BZW1: variants seen among roughly 807,000 people sequenced by gnomAD.
The protein encoded by BZW1 is basic leucine zipper and W2 domains 1.
Under a neutral mutation model 54.1 loss-of-function variants are expected in BZW1, and 3 were observed. That is an observed-to-expected ratio of 0.06 (90% CI 0.03 to 0.14). BZW1 has a LOEUF of 0.14. Among genes scored for constraint, BZW1 ranks in the 10% least tolerant of loss-of-function variants. BZW1 has a pLI of 1.00. For synonymous variants in BZW1, 152 were observed against 162.7 expected (o/e 0.93, Z 0.50); for missense variants, 206 against 491.7 (o/e 0.42, Z 5.50).
In BZW1 at chr2:200,811,968, C is replaced by G. The variant is rs554256267; in HGVS notation, c.-33C>G. The G allele has an allele frequency of 1.2e-5, 4 of 337,258 alleles. No homozygotes were observed. The highest frequency in any genetic ancestry group is 4.8e-5 in the Admixed American group (1 of 20,698). 20.9% of individuals were successfully genotyped at this position (337,258 alleles called of 1,614,324 possible). ...GCCGGTACATCGGGGATTTCTGGCT[C>G]TTTCCTCTTCGCCTTAAATTCGGTG... On this transcript the variant is annotated 5_prime_UTR_variant, in exon 1 of 12. Coordinates refer to ENST00000409600, the MANE Select transcript of BZW1 (RefSeq NM_001207067.2).
chr2:200,814,277 G>C (rs998182627), intron 2 of BZW1, among the ~76,000 whole-genome samples: 4 of 152,208 alleles, frequency 2.6e-5, no homozygotes, highest in Admixed American at 2.6e-4. Flanking sequence ...GCATCAGGGA[G>C]AGATGTAACT....
chr2:200,813,456 C>T (rs766245930), intron 2 of BZW1, 175 bp downstream of exon 2: 11 of 563,288 alleles, frequency 2.0e-5, no homozygotes, highest in African/African-American at 3.8e-5. Flanking sequence ...TACTGCTTTA[C>T]TGCTCAAGCC....
rs377566286 is a variant in BZW1 at position 200,825,993 on chromosome 2, G to A, written c.*3815G>A. 3.3e-5 allele frequency: 5 copies of A among 152,248 alleles called. No individual in the cohort carries two copies. The highest frequency in any genetic ancestry group is 2.1e-4 in the South Asian group (1 of 4,826). The allele number at this position is 152,248 out of a possible 1,614,324, so 9.4% of individuals were successfully genotyped here. A position where few individuals can be genotyped will look rare whatever the true frequency, so the allele number is the denominator to read the frequency against. ...AGTATTAGTCCTCTAGTATCAATACGAAGTTTTTCTATTCCCCAGCCTACT... is the reference window on the plus strand; with the variant it reads ...AGTATTAGTCCTCTAGTATCAATACAAAGTTTTTCTATTCCCCAGCCTACT... On this transcript the variant is annotated 3_prime_UTR_variant, in exon 12 of 12. Transcript: ENST00000409600.
intron 11 of BZW1, among the ~76,000 whole-genome samples, chr2:200,821,834 G>A (rs185603024): frequency 2.6e-5 from 4 of 152,324 alleles, no homozygotes; most frequent in Non-Finnish European, 4.4e-5. Context: ...ACTTTGGGAG[G>A]CTGAGGCGAT....
rs2038645847 is a variant in BZW1 at position 200,824,712 on chromosome 2, A to T, written c.*2534A>T. Reference sequence around the variant, plus strand: ...TTTTGAGACGGAGTCTCGCTCTGTCACCAGGCTGGAGTGCAGTGGCGCGAT... The same window carrying T: ...TTTTGAGACGGAGTCTCGCTCTGTCTCCAGGCTGGAGTGCAGTGGCGCGAT... On this transcript the variant is annotated 3_prime_UTR_variant, in exon 12 of 12. Transcript: ENST00000409600. 1 of 135,158 alleles carries T rather than the reference A, an allele frequency of 7.4e-6. No homozygotes were observed. The highest frequency in any genetic ancestry group is 1.5e-5 in the Non-Finnish European group (1 of 65,526). 8.4% of individuals were successfully genotyped at this position (135,158 alleles called of 1,614,324 possible).
In BZW1 at chr2:200,826,443, G is replaced by C. The variant is rs1338677070; in HGVS notation, c.*4265G>C. The C allele has an allele frequency of 2.7e-4, 5 of 18,310 alleles. No individual in the cohort carries two copies. Among genetic ancestry groups the C allele is most frequent in the Non-Finnish European group, 7.8e-4 (5 of 6,404 alleles). 1.1% of individuals were successfully genotyped at this position (18,310 alleles called of 1,614,324 possible). On this transcript the variant is annotated 3_prime_UTR_variant, in exon 12 of 12. Transcript: ENST00000409600. Reference sequence around the variant, plus strand: ...TTTTTTTTTTTTTTTTTTTTTTTTTGAGACAGAGTCTCGCTCTGTCGCCCA... The same window carrying C: ...TTTTTTTTTTTTTTTTTTTTTTTTTCAGACAGAGTCTCGCTCTGTCGCCCA...
In BZW1 at chr2:200,826,909, T is replaced by G. The variant is rs893965513; in HGVS notation, c.*4731T>G. On this transcript the variant is annotated 3_prime_UTR_variant, in exon 12 of 12. Transcript: ENST00000409600. ...AAACAAGCTAGGAGCTAGTTCATGC[T>G]AATATTCTTAAGGACAAAAATAGTT... The G allele has an allele frequency of 6.6e-6, 1 of 151,868 alleles. No homozygotes were observed. The highest frequency in any genetic ancestry group is 2.4e-5 in the African/African-American group (1 of 41,248). 9.4% of individuals were successfully genotyped at this position (151,868 alleles called of 1,614,324 possible).
At chr2:200,817,325 T>G in intron 6 of BZW1, 84 bp downstream of exon 6, 1 of 1,480,620 alleles carries the variant, frequency 6.8e-7, no homozygotes, top group South Asian at 1.2e-5. Flanking sequence ...ATGTGACTTC[T>G]GTGAAAGTCT....
In BZW1 at chr2:200,824,974, AC is replaced by A. The variant is rs2038654204; in HGVS notation, c.*2797del. ...GGCTTGAGCCACCGCGCCCAGCTAG[AC>A]TTTTTTCTAATAGAGTCCCCCATAA... is the stretch of plus-strand genomic sequence containing the variant. On this transcript the variant is annotated 3_prime_UTR_variant, in exon 12 of 12. Transcript: ENST00000409600. 1 of 150,838 alleles carries A rather than the reference AC, an allele frequency of 6.6e-6. No individual in the cohort carries two copies. The highest frequency in any genetic ancestry group is 2.4e-5 in the African/African-American group (1 of 40,922). The allele number at this position is 150,838 out of a possible 1,614,324, so 9.3% of individuals were successfully genotyped here.
chr2:200,817,082 C>A, intron 5 of BZW1, 24 bp from the exon 6 acceptor site: 1 of 1,610,514 alleles, frequency 6.2e-7, no homozygotes, highest in Non-Finnish European at 8.5e-7. Context: ...CTGTTTTAAC[C>A]CTTAATTGTT....
intron 4 of BZW1, 104 bp from the exon 5 acceptor site, chr2:200,816,221 A>G: frequency 2.8e-6 from 2 of 702,472 alleles, no homozygotes; most frequent in Non-Finnish European, 4.5e-6. Context: ...AATTCTTCTC[A>G]AGCTGGTTTA....
Position 200,826,494 on chromosome 2 carries a change from G to A in BZW1, c.*4316G>A, listed in dbSNP as rs561776143. The stretch of plus-strand genomic sequence containing the variant: ...GGCGGGAGTGCAGTGGCACAATCTC[G>A]GCTCACTGCAAGCTCCGCCTTGGGG... On this transcript the variant is annotated 3_prime_UTR_variant, in exon 12 of 12. Transcript: ENST00000409600. 3 of 134,386 alleles carry A rather than the reference G, an allele frequency of 2.2e-5. No homozygotes were observed. The highest frequency in any genetic ancestry group is 4.5e-4 in the East Asian group (2 of 4,464). The allele number at this position is 134,386 out of a possible 1,614,324, so 8.3% of individuals were successfully genotyped here. A position where few individuals can be genotyped will look rare whatever the true frequency, so the allele number is the denominator to read the frequency against.
At chr2:200,819,287 G>A (rs1262400737) in intron 9 of BZW1, among the ~76,000 whole-genome samples, 1 of 152,282 alleles carries the variant, frequency 6.6e-6, no homozygotes, top group African/African-American at 2.4e-5. Context: ...CTACTCAGGA[G>A]GCTGAGGCAG....
In BZW1 at chr2:200,821,291, A is replaced by G; in HGVS notation, c.1214A>G (p.Lys405Arg). The change falls in exon 11 of 12, where the codon AAA (lysine) becomes AGA (arginine). Residue 405 changes from lysine to arginine, a missense_variant. Coordinates refer to ENST00000409600, the MANE Select transcript of BZW1 (RefSeq NM_001207067.2). The part of the protein sequence containing the change: ...EQMKKFVEWL[K>R]NAEEESESEA... ...ATGAAAAAGTTTGTAGAATGGCTCAAAAATGCTGAAGAAGGTAAGGATTTT... is the reference window on the plus strand; with the variant it reads ...ATGAAAAAGTTTGTAGAATGGCTCAGAAATGCTGAAGAAGGTAAGGATTTT... The G allele has an allele frequency of 6.2e-7, 1 of 1,613,620 alleles. No individual in the cohort carries two copies. Among genetic ancestry groups the G allele is most frequent in the Non-Finnish European group, 8.5e-7 (1 of 1,179,752 alleles).
intron 11 of BZW1, among the ~76,000 whole-genome samples, chr2:200,821,696 A>T (rs2038522035): frequency 6.6e-6 from 1 of 152,092 alleles, no homozygotes; most frequent in Admixed American, 6.5e-5. Flanking sequence ...CACCCAGCCA[A>T]ATGTTGGGAT....
chr2:200,822,517 G>A lies in BZW1; in HGVS notation c.*339G>A. ...TTATTCCCTGGGTTTTCTATAAACAGTTTTAAGGATATGATTTGGTTAAAA... is the reference window on the plus strand; with the variant it reads ...TTATTCCCTGGGTTTTCTATAAACAATTTTAAGGATATGATTTGGTTAAAA... On this transcript the variant is annotated 3_prime_UTR_variant, in exon 12 of 12. Coordinates refer to ENST00000409600, the MANE Select transcript of BZW1 (RefSeq NM_001207067.2). The A allele has an allele frequency of 1.8e-5, 1 of 55,104 alleles. No individual in the cohort carries two copies. Among genetic ancestry groups the A allele is most frequent in the Non-Finnish European group, 3.3e-5 (1 of 30,386 alleles). The allele number at this position is 55,104 out of a possible 1,614,324, so 3.4% of individuals were successfully genotyped here.
At position 200,822,223 on chromosome 2, in the gene BZW1, A is replaced by G; in HGVS notation, c.*45A>G. 6.7e-7 allele frequency: 1 copy of G among 1,494,474 alleles called. No individual in the cohort carries two copies. The highest frequency in any genetic ancestry group is 1.4e-5 in the African/African-American group (1 of 72,280). 92.6% of individuals were successfully genotyped at this position (1,494,474 alleles called of 1,614,324 possible). On this transcript the variant is annotated 3_prime_UTR_variant, in exon 12 of 12. Transcript: ENST00000409600. ...AGTAAAGCAAACAGGAGTTGTAGAT[A>G]AAATGTCATGTCTCATGTGTCCTGG...
intron 1 of BZW1, 140 bp from the exon 2 acceptor site, chr2:200,813,068 T>C (rs2270280): frequency 0.64 from 454,071 of 706,826 alleles, 150,579 homozygotes; most frequent in Non-Finnish European, 0.72. Flanking sequence ...TTTGTGCCTG[T>C]ATCGGGTATA....
At chr2:200,822,039 G>A (rs1475713796) in intron 11 of BZW1, 108 bp from the exon 12 acceptor site, 18 of 1,051,132 alleles carry the variant, frequency 1.7e-5, no homozygotes, top group African/African-American at 9.5e-5. Context: ...GCTGCATTCC[G>A]GCCTGTGGGA....
Sources: allele counts gnomAD v4.1 joint callset (sites outside exome capture counted in the v4.1 genomes callset), GRCh38; gene constraint gnomAD v4.1.1; transcripts MANE v1.5; gene names NCBI Gene and HGNC (gene_info 2026-07-23, HGNC 2026-07-21).